PARD3: variants seen among roughly 807,000 people sequenced by gnomAD.
PARD3 encodes the protein par-3 family cell polarity regulator, also known as partitioning defective 3 homolog.
In PARD3, 75 loss-of-function variants were observed where a neutral mutation model predicts 155.4. The observed-to-expected ratio is 0.48, with a 90% CI of 0.40 to 0.58. The LOEUF is 0.58. Among genes scored for constraint, PARD3 ranks in the 20% least tolerant of loss-of-function variants. The pLI is 0.00. For missense variants in PARD3, 1,642 were observed against 1,721.7 expected (o/e 0.95, Z 0.82); for synonymous variants, 576 against 610.5 (o/e 0.94, Z 0.83).
At chr10:34,708,267 GA>G (rs36035625) in intron 1 of PARD3, among the ~76,000 whole-genome samples, 2,927 of 137,898 alleles carry the variant, frequency 0.021, 33 homozygotes, top group Middle Eastern at 0.049. Context: ...ATCTTTAAAG[GA>G]AAAAAAAAAA....
At position 34,536,060 on chromosome 10, in the gene PARD3, A is replaced by G. The variant is rs541135469; in HGVS notation, c.223-18901T>C. 3.9e-5 allele frequency among the ~76,000 whole-genome samples: 6 copies of G among 152,310 alleles called. No homozygotes were observed. The East Asian group carries it at 9.7e-4, about 25-fold the overall frequency. ...AGAGCTGATAAAACATTCCAAAAAT[A>G]ATCCCAAGTTCTTCACCACTGATTC... On this transcript the variant is annotated intron_variant, in intron 2 of 24. Coordinates refer to ENST00000374788, the MANE Select transcript of PARD3 (RefSeq NM_001184785.2).
At chr10:34,476,063 A>AGG (rs1413669038) in intron 3 of PARD3, among the ~76,000 whole-genome samples, 1 of 152,158 alleles carries the variant, frequency 6.6e-6, no homozygotes, top group Non-Finnish European at 1.5e-5. Context: ...CTGAAGCAGA[A>AGG]GGATCACTTG....
chr10:34,472,299 T>A (rs1192947565), intron 3 of PARD3, among the ~76,000 whole-genome samples: 2 of 152,164 alleles, frequency 1.3e-5, no homozygotes, highest in African/African-American at 4.8e-5. Context: ...TGCTGCTTAT[T>A]AATTTACACC....
At chr10:34,592,628 T>C (rs535649613) in intron 2 of PARD3, among the ~76,000 whole-genome samples, 5 of 152,054 alleles carry the variant, frequency 3.3e-5, no homozygotes, top group African/African-American at 1.2e-4. Context: ...ATACAAAAAT[T>C]AGCCGAGCGT....
At chr10:34,448,134 CGTGTGTGT>C (rs35325584) in intron 5 of PARD3, among the ~76,000 whole-genome samples, 94 of 147,146 alleles carry the variant, frequency 6.4e-4, no homozygotes, top group East Asian at 2.8e-3. Context: ...ATATACACTG[CGTGTGTGT>C]GTGTGTGTGT....
chr10:34,570,831 C>A (rs1044202893), intron 2 of PARD3, among the ~76,000 whole-genome samples: 30 of 152,130 alleles, frequency 2.0e-4, no homozygotes, highest in Admixed American at 4.6e-4. Context: ...AGATAAATGA[C>A]AGCATTATTA....
At chr10:34,622,893 T>C (rs2132726575) in intron 2 of PARD3, among the ~76,000 whole-genome samples, 1 of 151,424 alleles carries the variant, frequency 6.6e-6, no homozygotes, top group East Asian at 1.9e-4. Flanking sequence ...ATAATCCTCC[T>C]GAAGTAATCA....
At chr10:34,608,339 C>G (rs908158204) in intron 2 of PARD3, among the ~76,000 whole-genome samples, 5 of 152,092 alleles carry the variant, frequency 3.3e-5, no homozygotes, top group Non-Finnish European at 7.4e-5. Context: ...AGAGATAATA[C>G]AAACGTTGGG....
intron 12 of PARD3, among the ~76,000 whole-genome samples, chr10:34,369,610 C>A (rs755558274): frequency 1.3e-5 from 2 of 152,074 alleles, no homozygotes; most frequent in African/African-American, 4.8e-5. Flanking sequence ...TTTTGTAAGC[C>A]TGTATAAATC....
At position 34,147,311 on chromosome 10, in the gene PARD3, T is replaced by C. The variant is rs375299000; in HGVS notation, c.3420-15728A>G. 3.3e-5 allele frequency among the ~76,000 whole-genome samples: 5 copies of C among 152,300 alleles called. No individual in the cohort carries two copies. The East Asian group carries it at 9.6e-4, about 29-fold the overall frequency. ...GTGGGTTTGCTTGGTTTCTAGCTAA[T>C]TGAGACTTTATTGTATTGTTGCTTA... On this transcript the variant is annotated intron_variant, in intron 22 of 24. Transcript: ENST00000374788.
At position 34,605,506 on chromosome 10, in the gene PARD3, A is replaced by AAT. The variant is rs373179223; in HGVS notation, c.223-88349_223-88348dup. Reference sequence around the variant, plus strand: ...CTGTGCCCTGCCAAAAATACTCTTAAATATATATATATATCTCCTATATAT... The same window carrying AAT: ...CTGTGCCCTGCCAAAAATACTCTTAAATATATATATATATATCTCCTATATAT... On this transcript the variant is annotated intron_variant, in intron 2 of 24. Transcript: ENST00000374788. 1.8e-4 allele frequency among the ~76,000 whole-genome samples: 18 copies of AAT among 101,836 alleles called. 1 individual carries two copies. Among genetic ancestry groups the AAT allele is most frequent in the Admixed American group, 8.6e-4 (8 of 9,354 alleles). 66.8% of individuals were successfully genotyped at this position (101,836 alleles called of 152,430 possible).
At chr10:34,368,259 A>C (rs2134585568) in intron 12 of PARD3, among the ~76,000 whole-genome samples, 2 of 152,334 alleles carry the variant, frequency 1.3e-5, no homozygotes, top group East Asian at 1.9e-4. Context: ...AAACGAACAA[A>C]GACAAATATG....
intron 2 of PARD3, among the ~76,000 whole-genome samples, chr10:34,670,450 T>A (rs958507281): frequency 5.3e-5 from 8 of 152,212 alleles, no homozygotes; most frequent in Non-Finnish European, 1.0e-4. Context: ...TCTATTATCT[T>A]CATATCGCCT....
chr10:34,385,058 T>C (rs920547911), intron 7 of PARD3, among the ~76,000 whole-genome samples: 1 of 152,200 alleles, frequency 6.6e-6, no homozygotes, highest in Admixed American at 6.5e-5. Context: ...AAATAAGAAA[T>C]ACTTCTTTAA....
At chr10:34,429,604 A>G (rs1277577161) in intron 5 of PARD3, among the ~76,000 whole-genome samples, 2 of 141,820 alleles carry the variant, frequency 1.4e-5, no homozygotes, top group East Asian at 2.0e-4. Context: ...GTTTTGTTTT[A>G]AAACGGAGTC....
At chr10:34,628,843 G>GA (rs1306841348) in intron 2 of PARD3, among the ~76,000 whole-genome samples, 1 of 152,142 alleles carries the variant, frequency 6.6e-6, no homozygotes, top group East Asian at 1.9e-4. Flanking sequence ...TGACGAACAA[G>GA]AAACAAACAA....
intron 2 of PARD3, among the ~76,000 whole-genome samples, chr10:34,615,907 G>T (rs1385719156): frequency 6.6e-6 from 1 of 152,130 alleles, no homozygotes; most frequent in Admixed American, 6.5e-5. Flanking sequence ...TCTCACCCCA[G>T]TTAGAATAGC....
intron 5 of PARD3, among the ~76,000 whole-genome samples, chr10:34,422,810 G>C (rs2075388833): frequency 6.6e-6 from 1 of 152,124 alleles, no homozygotes; most frequent in Non-Finnish European, 1.5e-5. Flanking sequence ...TGGACAAAGG[G>C]AACCCTTGCA....
At position 34,727,878 on chromosome 10, in the gene PARD3, CCACACA is replaced by C. The variant is rs61342514; in HGVS notation, c.121-31465_121-31460del. 9.0e-5 allele frequency among the ~76,000 whole-genome samples: 13 copies of C among 144,722 alleles called. No homozygotes were observed. The South Asian group carries it at 2.0e-3, about 22-fold the overall frequency. The allele number at this position is 144,722 out of a possible 152,430, so 94.9% of individuals were successfully genotyped here. ...ACAAGTATGCAACCCCCTCCCTCCGCCACACACACACACACACACACACACACACCA... is the reference window on the plus strand; with the variant it reads ...ACAAGTATGCAACCCCCTCCCTCCGCCACACACACACACACACACACACCA... On this transcript the variant is annotated intron_variant, in intron 1 of 24. Coordinates refer to ENST00000374788, the MANE Select transcript of PARD3 (RefSeq NM_001184785.2).
Sources: gnomAD v4.1 joint callset for allele counts (sites outside exome capture counted in the v4.1 genomes callset) on GRCh38, gnomAD v4.1.1 for gene constraint, MANE v1.5 for transcripts, NCBI Gene and HGNC (gene_info 2026-07-23, HGNC 2026-07-21) for gene names.